CACNA1C: variants seen among roughly 807,000 people sequenced by gnomAD.
CACNA1C encodes the protein voltage-dependent L-type calcium channel subunit alpha-1C.
In CACNA1C, 30 loss-of-function variants were observed where a neutral mutation model predicts 229.0. That is an observed-to-expected ratio of 0.13 (90% CI 0.10 to 0.18). The LOEUF (loss-of-function observed/expected upper bound fraction) is 0.18. Ranked by LOEUF, CACNA1C falls within the 10% of genes least tolerant of loss-of-function variation. The pLI is 1.00. For synonymous variants in CACNA1C, 1,114 were observed against 1,132.5 expected, an observed-to-expected ratio of 0.98 and a Z score of 0.33; for missense variants, 1,658 against 2,845.0, an observed-to-expected ratio of 0.58 and a Z score of 9.49.
At chr12:2,185,352 G>A (rs1367639278) in intron 3 of CACNA1C, among the ~76,000 whole-genome samples, 1 of 152,188 alleles carries the variant, frequency 6.6e-6, no homozygotes, top group African/African-American at 2.4e-5. Context: ...TCAGGGCCTT[G>A]CCCTAACCCC....
intron 29 of CACNA1C, among the ~76,000 whole-genome samples, chr12:2,631,285 C>T (rs1290093832): frequency 2.0e-5 from 3 of 152,160 alleles, no homozygotes; most frequent in Non-Finnish European, 2.9e-5. Context: ...TCCTCCTCCT[C>T]CCACACCGAA....
rs1555213620 is a variant in CACNA1C, at chr12:1,993,627, G to GGGGTGTGT, written c.139+22427_139+22428insGGTGTGTG. Among the ~76,000 whole-genome samples, 194 of 146,674 alleles carry GGGGTGTGT rather than the reference G, an allele frequency of 1.3e-3. 1 individual carries two copies. Among genetic ancestry groups the GGGGTGTGT allele is most frequent in the African/African-American group, 4.7e-3 (187 of 39,942 alleles). On this transcript the variant is annotated intron_variant, in intron 1 of 46. Coordinates refer to the CACNA1C transcript ENST00000682462. ...TAAAATTGAGTCATACTTCATTTGT[G>GGGGTGTGT]GTGTGTGTGTGTGTGTGTGTGTGTG...
Position 2,029,599 on chromosome 12 carries a change from A to G in CACNA1C, c.139+58398A>G, listed in dbSNP as rs1426932017. On this transcript the variant is annotated intron_variant, in intron 1 of 46. Coordinates refer to the CACNA1C transcript ENST00000682462. This position sits in a 1 kb window ranked among gnomAD's most constrained non-coding sequence, Gnocchi z 4.9. ...TTCATCCACATTGTAGCATAAATCA[A>G]TATTTCATTCCTTTTTATGGCTTTT... Among the ~76,000 whole-genome samples, 1 of 152,200 alleles carries G rather than the reference A, an allele frequency of 6.6e-6. No individual in the cohort carries two copies. Among genetic ancestry groups the G allele is most frequent in the Non-Finnish European group, 1.5e-5 (1 of 68,028 alleles).
intron 3 of CACNA1C, among the ~76,000 whole-genome samples, chr12:2,255,387 G>A (rs1428387170): frequency 1.3e-5 from 2 of 152,116 alleles, no homozygotes; most frequent in East Asian, 3.9e-4. Flanking sequence ...TGACAGGCAG[G>A]CCCTCTCTCC....
intron 1 of CACNA1C, among the ~76,000 whole-genome samples, chr12:2,005,816 A>G (rs1382227825): frequency 6.6e-6 from 1 of 152,248 alleles, no homozygotes; most frequent in Non-Finnish European, 1.5e-5. Context: ...TTAATGTAAC[A>G]GTATGAAAAG....
intron 3 of CACNA1C, among the ~76,000 whole-genome samples, chr12:2,337,471 A>C (rs2096734487): frequency 6.6e-6 from 1 of 152,126 alleles, no homozygotes; most frequent in African/African-American, 2.4e-5. Context: ...GGAGGCTGGG[A>C]TAGTTGTGTT....
At chr12:2,562,572 T>G (rs944962259) in intron 11 of CACNA1C, among the ~76,000 whole-genome samples, 5 of 152,178 alleles carry the variant, frequency 3.3e-5, no homozygotes, top group Admixed American at 2.0e-4. Context: ...AGTATCAAGA[T>G]CTGGCAAACT....
intron 1 of CACNA1C, among the ~76,000 whole-genome samples, chr12:2,087,588 G>A (rs1408747004): frequency 6.6e-6 from 1 of 152,188 alleles, no homozygotes; most frequent in Non-Finnish European, 1.5e-5. Flanking sequence ...AGAAGAAAGT[G>A]TCACATTTTA....
chr12:2,099,544 G>A (rs1366416325), intron 1 of CACNA1C, among the ~76,000 whole-genome samples: 2 of 152,038 alleles, frequency 1.3e-5, no homozygotes, highest in African/African-American at 4.8e-5. Flanking sequence ...TCTGGCACTG[G>A]GGTGGCCACA....
chr12:2,436,628 T>C (rs2099137471), intron 3 of CACNA1C, among the ~76,000 whole-genome samples: 1 of 152,232 alleles, frequency 6.6e-6, no homozygotes, highest in African/African-American at 2.4e-5. Flanking sequence ...GTCTGCACGC[T>C]ACTGCCTTTT....
intron 1 of CACNA1C, among the ~76,000 whole-genome samples, chr12:2,036,002 G>A (rs2049072081): frequency 6.6e-6 from 1 of 152,166 alleles, no homozygotes; most frequent in Non-Finnish European, 1.5e-5. Flanking sequence ...TTGTGAATAA[G>A]TTATCTCTTG....
At chr12:2,086,604 G>C (rs1322475063) in intron 1 of CACNA1C, among the ~76,000 whole-genome samples, 1 of 152,184 alleles carries the variant, frequency 6.6e-6, no homozygotes, top group Non-Finnish European at 1.5e-5. Flanking sequence ...TTACGTGACA[G>C]TCCAGTGCAG....
intron 34 of CACNA1C, among the ~76,000 whole-genome samples, chr12:2,664,203 C>A (rs1040601225): frequency 7.2e-5 from 11 of 152,320 alleles, no homozygotes; most frequent in Middle Eastern, 6.8e-3. Flanking sequence ...TTATCTCACA[C>A]AAATTATATG....
intron 3 of CACNA1C, among the ~76,000 whole-genome samples, chr12:2,384,727 C>T (rs1232006872): frequency 6.6e-6 from 1 of 152,134 alleles, no homozygotes; most frequent in East Asian, 1.9e-4. Context: ...TGGTCCTCAC[C>T]GTGGCATAGT....
intron 3 of CACNA1C, among the ~76,000 whole-genome samples, chr12:2,336,610 A>G (rs1259495828): frequency 1.3e-5 from 2 of 152,216 alleles, no homozygotes; most frequent in African/African-American, 2.4e-5. Context: ...AATGAAAACA[A>G]CCGTTTAAAT....
At chr12:2,239,108 A>G (rs2068690266) in intron 3 of CACNA1C, among the ~76,000 whole-genome samples, 1 of 152,160 alleles carries the variant, frequency 6.6e-6, no homozygotes, top group Non-Finnish European at 1.5e-5. Context: ...TCCTAGTTTT[A>G]CTACAATAAC....
In CACNA1C at chr12:2,654,475, C is replaced by T. The variant is rs1397926532; in HGVS notation, c.4140+575C>T. Among the ~76,000 whole-genome samples the T allele has an allele frequency of 6.6e-6, 1 of 152,196 alleles. No homozygotes were observed. The highest frequency in any genetic ancestry group is 1.9e-4 in the East Asian group (1 of 5,182). ...CACCGCAAACCTAGGGCTCTCCATT[C>T]CCGTCTTGGGGCTCCAGCTTGAGTC... On this transcript the variant is annotated intron_variant, in intron 33 of 46. Transcript: ENST00000399655. The surrounding 1 kb of genome is among the most constrained non-coding windows in gnomAD (Gnocchi z 4.4).
intron 29 of CACNA1C, among the ~76,000 whole-genome samples, chr12:2,617,182 C>T (rs1322721770): frequency 6.6e-6 from 1 of 152,222 alleles, no homozygotes; most frequent in Non-Finnish European, 1.5e-5. Context: ...CAACGAGGCC[C>T]TGGGCACTTC....
chr12:2,398,072 A>C (rs1277586098), intron 3 of CACNA1C, among the ~76,000 whole-genome samples: 1 of 152,252 alleles, frequency 6.6e-6, no homozygotes, highest in Non-Finnish European at 1.5e-5. Context: ...TGGAGGCGCA[A>C]TTAGAAGGAA....
Sources: allele counts gnomAD v4.1 joint callset (sites outside exome capture counted in the v4.1 genomes callset), GRCh38; gene constraint gnomAD v4.1.1; non-coding constraint Gnocchi (gnomAD v3.1); transcripts MANE v1.5; gene names NCBI Gene and HGNC (gene_info 2026-07-23, HGNC 2026-07-21).